HNRNPC: variants seen among roughly 807,000 people sequenced by gnomAD.
The protein encoded by HNRNPC is heterogeneous nuclear ribonucleoprotein C, also known as heterogeneous nuclear ribonucleoproteins C1/C2.
HNRNPC carries 3 observed loss-of-function variants against 33.2 expected under a neutral mutation model. The observed-to-expected ratio is 0.09, with a 90% CI of 0.04 to 0.23. The LOEUF (loss-of-function observed/expected upper bound fraction) is 0.23, where lower values mean the gene tolerates loss of function less well. Ranked by LOEUF, HNRNPC falls within the 10% of genes least tolerant of loss-of-function variation. The pLI is 1.00. For missense variants in HNRNPC, 143 were observed against 366.7 expected, an observed-to-expected ratio of 0.39 and a Z score of 4.98; for synonymous variants, 121 against 126.7, an observed-to-expected ratio of 0.96 and a Z score of 0.30.
In HNRNPC at chr14:21,216,840, A is replaced by G. The variant is rs1220230058; in HGVS notation, c.366-3723T>C. Among the ~76,000 whole-genome samples, 4 of 152,342 alleles carry G rather than the reference A, an allele frequency of 2.6e-5. No individual in the cohort carries two copies. The East Asian group carries it at 7.7e-4, about 29-fold the overall frequency. ...ACTATGTAGATAAAAAAACTGATAT[A>G]AAAAAGTTTAACACAGGTTTACATT... On this transcript the variant is annotated intron_variant, in intron 5 of 8. Transcript: ENST00000553300.
At chr14:21,241,888 C>T (rs1895388789) in intron 2 of HNRNPC, among the ~76,000 whole-genome samples, 1 of 152,132 alleles carries the variant, frequency 6.6e-6, no homozygotes, top group South Asian at 2.1e-4. Context: ...AAGTTGGCTA[C>T]TTTTAGAACA....
intron 5 of HNRNPC, among the ~76,000 whole-genome samples, chr14:21,225,330 G>A (rs1006056650): frequency 4.6e-5 from 7 of 151,934 alleles, no homozygotes; most frequent in Non-Finnish European, 8.8e-5. Context: ...TTGGGAGGCC[G>A]ATGATGCACA....
chr14:21,215,898 T>TAAAAAAAAA (rs3064165), intron 5 of HNRNPC, among the ~76,000 whole-genome samples: 11 of 98,576 alleles, frequency 1.1e-4, no homozygotes, highest in African/African-American at 3.6e-4. Context: ...GACTCCGTCT[T>TAAAAAAAAA]AAAAAAAAAA....
chr14:21,253,461 C>CAAAAAAAAAAAAAAAA (rs71112561), intron 2 of HNRNPC, among the ~76,000 whole-genome samples: 1 of 77,278 alleles, frequency 1.3e-5, no homozygotes, highest in African/African-American at 5.2e-5. Flanking sequence ...GACTCCATCT[C>CAAAAAAAAAAAAAAAA]AAAAAAAAAA....
intron 5 of HNRNPC, among the ~76,000 whole-genome samples, chr14:21,221,588 A>G (rs546143986): frequency 1.3e-5 from 2 of 152,346 alleles, no homozygotes; most frequent in East Asian, 1.9e-4. Context: ...CATATCTCCT[A>G]TAACTACAGA....
chr14:21,239,660 G>C (rs1954702338), intron 2 of HNRNPC, among the ~76,000 whole-genome samples: 1 of 152,138 alleles, frequency 6.6e-6, no homozygotes, highest in Non-Finnish European at 1.5e-5. Flanking sequence ...AATCACCTGA[G>C]GACAGGAGTT....
intron 2 of HNRNPC, among the ~76,000 whole-genome samples, chr14:21,255,294 T>G (rs1327635924): frequency 6.6e-6 from 1 of 152,266 alleles, no homozygotes; most frequent in Non-Finnish European, 1.5e-5. Context: ...TAGGTCAATA[T>G]AATTAGAAAA....
intron 5 of HNRNPC, among the ~76,000 whole-genome samples, chr14:21,229,891 C>T (rs538520042): frequency 2.6e-5 from 4 of 152,234 alleles, no homozygotes; most frequent in Non-Finnish European, 5.9e-5. Context: ...AGTTTGAACG[C>T]GACAAGCCAA....
intron 4 of HNRNPC, 144 bp downstream of exon 4, chr14:21,230,851 TAC>T: frequency 3.6e-6 from 3 of 840,792 alleles, no homozygotes; most frequent in Non-Finnish European, 5.6e-6. Flanking sequence ...ACCTTATTTA[TAC>T]ACAGATAAAA....
At chr14:21,230,913 C>G in intron 4 of HNRNPC, 84 bp downstream of exon 4, 1 of 1,458,160 alleles carries the variant, frequency 6.9e-7, no homozygotes, top group Non-Finnish European at 9.6e-7. Context: ...AGAGAAGATG[C>G]CCACTGATGG....
At chr14:21,248,236 G>T (rs1427250800) in intron 2 of HNRNPC, among the ~76,000 whole-genome samples, 1 of 152,008 alleles carries the variant, frequency 6.6e-6, no homozygotes. Context: ...AGTACAGACG[G>T]GGTTTTGCCA....
chr14:21,249,589 A>G (rs1368745605), intron 2 of HNRNPC, among the ~76,000 whole-genome samples: 4 of 130,780 alleles, frequency 3.1e-5, no homozygotes, highest in African/African-American at 1.2e-4. Flanking sequence ...CTGTGTCTCA[A>G]AAACAAAAAA....
intron 2 of HNRNPC, among the ~76,000 whole-genome samples, chr14:21,256,081 T>C (rs1193059979): frequency 1.3e-5 from 2 of 151,534 alleles, no homozygotes; most frequent in East Asian, 4.0e-4. Flanking sequence ...TGGGATGCCC[T>C]GTAAATCACA....
At chr14:21,222,719 C>A (rs1044375157) in intron 5 of HNRNPC, among the ~76,000 whole-genome samples, 1 of 151,754 alleles carries the variant, frequency 6.6e-6, no homozygotes, top group Non-Finnish European at 1.5e-5. Context: ...GGTGAAACTG[C>A]GTCTCTACTA....
At chr14:21,235,624 C>T (rs1894617583) in intron 2 of HNRNPC, among the ~76,000 whole-genome samples, 1 of 152,098 alleles carries the variant, frequency 6.6e-6, no homozygotes, top group Non-Finnish European at 1.5e-5. Context: ...CAAACAGTAG[C>T]CACTGAAATC....
At chr14:21,239,864 A>G (rs747901332) in intron 2 of HNRNPC, among the ~76,000 whole-genome samples, 9 of 152,128 alleles carry the variant, frequency 5.9e-5, no homozygotes, top group Non-Finnish European at 1.3e-4. Flanking sequence ...ACCGTGTGAG[A>G]CTGGGTCTCA....
intron 5 of HNRNPC, 51 bp from the exon 6 acceptor site, chr14:21,213,168 C>T: frequency 6.5e-7 from 1 of 1,532,578 alleles, no homozygotes; most frequent in Non-Finnish European, 9.0e-7. Flanking sequence ...ATTAACTCAG[C>T]ACAATTCAAC....
intron 2 of HNRNPC, among the ~76,000 whole-genome samples, chr14:21,244,051 G>A (rs147948230): frequency 1.1e-4 from 16 of 148,398 alleles, no homozygotes; most frequent in African/African-American, 3.0e-4. Flanking sequence ...TTTTTAAGAC[G>A]AAGCTTAGCT....
chr14:21,241,023 C>T (rs1049871233), intron 2 of HNRNPC, among the ~76,000 whole-genome samples: 1 of 152,132 alleles, frequency 6.6e-6, no homozygotes, highest in Non-Finnish European at 1.5e-5. Flanking sequence ...GTAATCCCAG[C>T]ACTCTGGGAG....
Sources: gnomAD v4.1 joint callset for allele counts (sites outside exome capture counted in the v4.1 genomes callset) on GRCh38, gnomAD v4.1.1 for gene constraint, MANE v1.5 for transcripts, NCBI Gene and HGNC (gene_info 2026-07-23, HGNC 2026-07-21) for gene names.